BMP8B: variants seen among roughly 807,000 people sequenced by gnomAD.
The protein encoded by BMP8B is bone morphogenetic protein 8 (osteogenic protein 2).
Under a neutral mutation model 30.3 loss-of-function variants are expected in BMP8B, and 17 were observed. That is an observed-to-expected ratio of 0.56 (90% CI 0.38 to 0.84). The LOEUF (loss-of-function observed/expected upper bound fraction) is 0.84. Among genes scored for constraint, BMP8B ranks in the 40% least tolerant of loss-of-function variants. The pLI is 0.00. For missense variants in BMP8B, 253 were observed against 494.6 expected, an observed-to-expected ratio of 0.51 and a Z score of 4.63; for synonymous variants, 131 against 214.7, an observed-to-expected ratio of 0.61 and a Z score of 3.41.
chr1:39,786,537 T>C (rs1650991872), intron 1 of BMP8B, among the ~76,000 whole-genome samples: 1 of 152,218 alleles, frequency 6.6e-6, no homozygotes, highest in Non-Finnish European at 1.5e-5. Flanking sequence ...CACCAGGCTG[T>C]GCATGCCTTG....
chr1:39,788,027 C>A lies in BMP8B; in HGVS notation c.334+125G>T, dbSNP rs11585053. 0.028 allele frequency: 38,040 copies of A among 1,343,800 alleles called. 802 individuals carry two copies. Among genetic ancestry groups the A allele is most frequent in the East Asian group, 0.11 (3,471 of 31,694 alleles). The allele number at this position is 1,343,800 out of a possible 1,614,324, so 83.2% of individuals were successfully genotyped here. A position where few individuals can be genotyped will look rare whatever the true frequency, so the allele number is the denominator to read the frequency against. On this transcript the variant is annotated intron_variant, in intron 1 of 6. Transcript: ENST00000372827. This position sits in a 1 kb window ranked among gnomAD's most constrained non-coding sequence, Gnocchi z 5.8. Reference sequence around the variant, plus strand: ...TCCCTAACCACGGCGGTCCCACTCCCCTGTGGTTCGCGTCCACCGTCTGTG... The same window carrying A: ...TCCCTAACCACGGCGGTCCCACTCCACTGTGGTTCGCGTCCACCGTCTGTG...
intron 3 of BMP8B, chr1:39,769,955 A>T (rs1649837125): frequency 6.4e-7 from 1 of 1,558,284 alleles, no homozygotes; most frequent in African/African-American, 1.5e-5. Context: ...GGTGACCACC[A>T]CTCTGGTCTT....
intron 1 of BMP8B, among the ~76,000 whole-genome samples, chr1:39,775,412 T>C (rs559508952): frequency 1.3e-5 from 2 of 152,136 alleles, no homozygotes; most frequent in African/African-American, 4.8e-5. Flanking sequence ...AAGATGGACA[T>C]TGGACCCAAG....
At chr1:39,776,893 G>A (rs911624150) in intron 1 of BMP8B, among the ~76,000 whole-genome samples, 5 of 152,118 alleles carry the variant, frequency 3.3e-5, no homozygotes, top group African/African-American at 9.7e-5. Context: ...ACGGTCCAAC[G>A]GAAGACATAA....
chr1:39,771,590 G>A (rs1022159315), intron 3 of BMP8B, among the ~76,000 whole-genome samples: 57 of 151,192 alleles, frequency 3.8e-4, no homozygotes, highest in South Asian at 4.2e-4. Context: ...CCCCGCCCAA[G>A]CTTCCCCCCA....
intron 3 of BMP8B, chr1:39,771,128 T>C (rs1649946679): frequency 1.3e-6 from 2 of 1,555,704 alleles, no homozygotes; most frequent in African/African-American, 1.4e-5. Flanking sequence ...CGGGTCCGCG[T>C]AGAACTTGGC....
At chr1:39,781,555 G>A (rs1177428689) in intron 1 of BMP8B, among the ~76,000 whole-genome samples, 5 of 152,192 alleles carry the variant, frequency 3.3e-5, no homozygotes, top group East Asian at 1.9e-4. Context: ...GACCATAATC[G>A]TGTAAATTGT....
chr1:39,762,570 T>C (rs868425838), intron 6 of BMP8B: 6 of 1,550,138 alleles, frequency 3.9e-6, no homozygotes, highest in Admixed American at 2.0e-5. Flanking sequence ...AAAACAAAGA[T>C]GGCCAAGAGA....
intron 3 of BMP8B, chr1:39,769,723 G>T: frequency 1.2e-6 from 2 of 1,609,894 alleles, no homozygotes; most frequent in Non-Finnish European, 1.7e-6. Context: ...CCTGCTGCAT[G>T]GGCCTGAGGT....
Position 39,760,356 on chromosome 1 carries a change from C to T in BMP8B, c.*63G>A. 1 of 1,600,810 alleles carries T rather than the reference C, an allele frequency of 6.2e-7. No homozygotes were observed. On this transcript the variant is annotated 3_prime_UTR_variant, in exon 7 of 7. Coordinates refer to ENST00000372827, the MANE Select transcript of BMP8B (RefSeq NM_001720.5). ...GGGGTCTGGCTGGGTTTGAGGGTTT[C>T]CTGCTTCTGAGGGGCCCGATCCAGA...
chr1:39,763,487 T>C lies in BMP8B; in HGVS notation c.948+225A>G, dbSNP rs1430415274. Among the ~76,000 whole-genome samples, 3 of 144,512 alleles carry C rather than the reference T, an allele frequency of 2.1e-5. 1 individual carries two copies. Among genetic ancestry groups the C allele is most frequent in the African/African-American group, 7.9e-5 (3 of 37,762 alleles). 94.8% of individuals were successfully genotyped at this position (144,512 alleles called of 152,430 possible). On this transcript the variant is annotated intron_variant, in intron 5 of 6. Coordinates refer to ENST00000372827, the MANE Select transcript of BMP8B (RefSeq NM_001720.5). Reference sequence around the variant, plus strand: ...CCCTGCAGCAATGCTGACAGCTTAGTTGGTTGATTCAGTCTTCATTTTCAT... The same window carrying C: ...CCCTGCAGCAATGCTGACAGCTTAGCTGGTTGATTCAGTCTTCATTTTCAT...
chr1:39,785,671 C>G (rs552927980), intron 1 of BMP8B, among the ~76,000 whole-genome samples: 1 of 144,974 alleles, frequency 6.9e-6, no homozygotes, highest in Non-Finnish European at 1.6e-5. Context: ...CACAGTGACC[C>G]TGCTATTAGA....
chr1:39,780,616 G>A (rs1202379952), intron 1 of BMP8B, among the ~76,000 whole-genome samples: 1 of 152,262 alleles, frequency 6.6e-6, no homozygotes, highest in Non-Finnish European at 1.5e-5. Context: ...AAGAGGCCAG[G>A]CGCAGTGGCT....
chr1:39,777,063 A>G (rs1181071279), intron 1 of BMP8B, among the ~76,000 whole-genome samples: 8 of 152,258 alleles, frequency 5.3e-5, no homozygotes, highest in Admixed American at 5.2e-4. Context: ...AAGATCAGAC[A>G]TGAACATTCT....
chr1:39,764,211 G>A (rs1307634622), intron 4 of BMP8B, among the ~76,000 whole-genome samples: 3 of 152,392 alleles, frequency 2.0e-5, no homozygotes, highest in East Asian at 3.8e-4. Flanking sequence ...AGGAGGGCAC[G>A]GGGTTGGGTC....
At position 39,758,583 on chromosome 1, in the gene BMP8B, A is replaced by C. The variant is rs1200555031; in HGVS notation, c.*1836T>G. The C allele has an allele frequency of 6.6e-6, 1 of 152,248 alleles. No homozygotes were observed. The highest frequency in any genetic ancestry group is 1.5e-5 in the Non-Finnish European group (1 of 68,064). The allele number at this position is 152,248 out of a possible 1,614,324, so 9.4% of individuals were successfully genotyped here. A position where few individuals can be genotyped will look rare whatever the true frequency, so the allele number is the denominator to read the frequency against. ...TGACAGCCACCAGAGCCCCACATTC[A>C]GGGTTATGAGGCTGCTTCTGGCTCA... is the stretch of plus-strand genomic sequence containing the variant. On this transcript the variant is annotated 3_prime_UTR_variant, in exon 7 of 7. Coordinates refer to ENST00000372827, the MANE Select transcript of BMP8B (RefSeq NM_001720.5).
At chr1:39,779,269 G>C (rs1650451969) in intron 1 of BMP8B, among the ~76,000 whole-genome samples, 1 of 152,192 alleles carries the variant, frequency 6.6e-6, no homozygotes. Context: ...CCCGCACACA[G>C]ACAGGGAGGG....
intron 1 of BMP8B, among the ~76,000 whole-genome samples, chr1:39,785,954 C>A (rs1271590867): frequency 6.6e-6 from 1 of 152,248 alleles, no homozygotes. Flanking sequence ...CTTCCACTAA[C>A]AATGATCTGC....
chr1:39,778,931 T>C (rs1242072673), intron 1 of BMP8B, among the ~76,000 whole-genome samples: 1 of 151,908 alleles, frequency 6.6e-6, no homozygotes, highest in Non-Finnish European at 1.5e-5. Context: ...GGTGGGCACA[T>C]TCTTTGGTCA....
Sources: gnomAD v4.1 joint callset for allele counts (sites outside exome capture counted in the v4.1 genomes callset) on GRCh38, gnomAD v4.1.1 for gene constraint, Gnocchi (gnomAD v3.1) non-coding constraint, MANE v1.5 for transcripts, NCBI Gene and HGNC (gene_info 2026-07-23, HGNC 2026-07-21) for gene names.